Variants in CDYL observed in about 807,000 individuals in gnomAD.
CDYL encodes chromodomain Y like, also known as chromodomain Y-like protein.
CDYL carries 8 observed loss-of-function variants against 47.3 expected under a neutral mutation model. The ratio of observed to expected loss-of-function variants is 0.17; its 90% CI spans 0.10 to 0.31. The LOEUF is 0.31. Among genes scored for constraint, CDYL ranks in the 10% least tolerant of loss-of-function variants. CDYL has a pLI of 1.00. For missense variants in CDYL, 471 were observed against 701.4 expected (o/e 0.67, Z 3.71); for synonymous variants, 266 against 265.0 (o/e 1.00, Z -0.04).
intron 2 of CDYL, among the ~76,000 whole-genome samples, chr6:4,928,288 C>A (rs1757938307): frequency 1.3e-5 from 2 of 151,918 alleles, no homozygotes; most frequent in Admixed American, 6.6e-5. Context: ...GGGGGGCTGT[C>A]TTTTTATGTT....
chr6:4,811,975 C>T lies in CDYL; in HGVS notation c.24+35168C>T, dbSNP rs142483635. On this transcript the variant is annotated intron_variant, in intron 1 of 6. Coordinates refer to ENST00000397588, the MANE Select transcript of CDYL (RefSeq NM_004824.4). ...TCATCTCCTGTGCCTTTGCTGTCTG[C>T]AGGGTGGTCCATGGACTGGCAGCAG... Among the ~76,000 whole-genome samples, 1,401 of 152,224 alleles carry T rather than the reference C, an allele frequency of 9.2e-3. 19 individuals carry two copies. The highest frequency in any genetic ancestry group is 0.032 in the African/African-American group (1,333 of 41,516).
At chr6:4,758,880 C>T (rs946444776) in intron 3 of CDYL, among the ~76,000 whole-genome samples, 9 of 151,042 alleles carry the variant, frequency 6.0e-5, no homozygotes, top group Admixed American at 1.3e-4. Flanking sequence ...AATATATTTA[C>T]ATATTTTAAA....
chr6:4,781,358 A>G (rs762733907), intron 1 of CDYL, among the ~76,000 whole-genome samples: 9 of 152,202 alleles, frequency 5.9e-5, no homozygotes, highest in Non-Finnish European at 1.3e-4. Context: ...GACACCTTTC[A>G]TGGATGTTGG....
At chr6:4,947,133 C>T (rs758157994) in intron 5 of CDYL, among the ~76,000 whole-genome samples, 14 of 152,178 alleles carry the variant, frequency 9.2e-5, no homozygotes, top group Non-Finnish European at 1.8e-4. Flanking sequence ...TCGTGCAGCC[C>T]GTTTCAGGGA....
intron 2 of CDYL, among the ~76,000 whole-genome samples, chr6:4,731,538 T>C (rs924345472): frequency 2.0e-5 from 3 of 152,212 alleles, no homozygotes; most frequent in Non-Finnish European, 4.4e-5. Context: ...GGCTCATGCC[T>C]GTAATCCCAG....
intron 1 of CDYL, among the ~76,000 whole-genome samples, chr6:4,860,557 T>G (rs1372318936): frequency 6.8e-6 from 1 of 146,834 alleles, no homozygotes; most frequent in Admixed American, 6.8e-5. Context: ...ATATTACATA[T>G]TATTATATAT....
chr6:4,860,659 A>G (rs1415635959), intron 1 of CDYL, among the ~76,000 whole-genome samples: 2 of 148,356 alleles, frequency 1.3e-5, no homozygotes, highest in East Asian at 1.9e-4. Context: ...AATAATATAT[A>G]TAGGAGTTTA....
chr6:4,812,391 C>G (rs753315001), intron 1 of CDYL, among the ~76,000 whole-genome samples: 3 of 152,192 alleles, frequency 2.0e-5, no homozygotes, highest in Non-Finnish European at 4.4e-5. Flanking sequence ...GGTGAACTCA[C>G]TCTAGGGCAC....
chr6:4,716,006 T>C, intron 2 of CDYL: 2 of 1,409,284 alleles, frequency 1.4e-6, no homozygotes, highest in East Asian at 2.6e-5. Context: ...CCCAGCACTT[T>C]GGGAGGCCGA....
At chr6:4,853,912 T>C (rs940608531) in intron 1 of CDYL, among the ~76,000 whole-genome samples, 1 of 152,208 alleles carries the variant, frequency 6.6e-6, no homozygotes, top group Admixed American at 6.5e-5. Flanking sequence ...GTTTCTTGCT[T>C]CTTGGGATCC....
intron 2 of CDYL, among the ~76,000 whole-genome samples, chr6:4,732,670 AAAAG>A (rs1361036650): frequency 6.6e-6 from 1 of 151,136 alleles, no homozygotes; most frequent in Non-Finnish European, 1.5e-5. Context: ...TTTTTAAAAA[AAAAG>A]AGGGGGGGAT....
At chr6:4,933,789 A>C (rs1758101753) in intron 2 of CDYL, among the ~76,000 whole-genome samples, 2 of 152,194 alleles carry the variant, frequency 1.3e-5, no homozygotes, top group South Asian at 4.1e-4. Flanking sequence ...AAGCTTGTAG[A>C]GATTTGACAG....
chr6:4,906,788 G>C (rs1757250426), intron 2 of CDYL, among the ~76,000 whole-genome samples: 1 of 151,996 alleles, frequency 6.6e-6, no homozygotes. Context: ...TTTTGGTTTG[G>C]TTTCGTTTTA....
intron 3 of CDYL, among the ~76,000 whole-genome samples, chr6:4,763,878 G>A (rs1163471050): frequency 6.6e-6 from 1 of 152,140 alleles, no homozygotes; most frequent in East Asian, 1.9e-4. Flanking sequence ...GGGAGGCAGA[G>A]GTTGCAGTGA....
At position 4,776,698 on chromosome 6, in the gene CDYL, G is replaced by C; in HGVS notation, c.-86G>C. The C allele has an allele frequency of 8.2e-7, 1 of 1,226,762 alleles. No homozygotes were observed. The highest frequency in any genetic ancestry group is 1.1e-6 in the Non-Finnish European group (1 of 946,708). 76.0% of individuals were successfully genotyped at this position (1,226,762 alleles called of 1,614,324 possible). A position where few individuals can be genotyped will look rare whatever the true frequency, so the allele number is the denominator to read the frequency against. On this transcript the variant is annotated 5_prime_UTR_variant, in exon 1 of 7. Coordinates refer to ENST00000397588, the MANE Select transcript of CDYL (RefSeq NM_004824.4). ...GGGAGCAGGAAGCGCAGGCCACGCA[G>C]GACCCAACTGAAACAAAGTGTCGGC...
chr6:4,953,141 T>G (rs1040330419), intron 6 of CDYL, among the ~76,000 whole-genome samples: 286 of 150,758 alleles, frequency 1.9e-3, no homozygotes, highest in African/African-American at 6.7e-3. Context: ...CCCAGCACTT[T>G]GGGAGGCCGA....
intron 1 of CDYL, among the ~76,000 whole-genome samples, chr6:4,883,395 T>C (rs1221597025): frequency 2.0e-5 from 3 of 152,160 alleles, no homozygotes; most frequent in Non-Finnish European, 4.4e-5. Flanking sequence ...CAGACCACTC[T>C]GGTGACGATT....
At chr6:4,727,426 A>G (rs1757533980) in intron 2 of CDYL, among the ~76,000 whole-genome samples, 1 of 152,172 alleles carries the variant, frequency 6.6e-6, no homozygotes, top group African/African-American at 2.4e-5. Flanking sequence ...AGCCTTCCAC[A>G]GGCTCAAGCC....
intron 1 of CDYL, among the ~76,000 whole-genome samples, chr6:4,838,259 G>A (rs1354150342): frequency 6.6e-6 from 1 of 152,002 alleles, no homozygotes; most frequent in African/African-American, 2.4e-5. Context: ...CCCATCACCC[G>A]AGCAGTGTAC....
Sources: allele counts gnomAD v4.1 joint callset (sites outside exome capture counted in the v4.1 genomes callset), GRCh38; gene constraint gnomAD v4.1.1; transcripts MANE v1.5; gene names NCBI Gene and HGNC (gene_info 2026-07-23, HGNC 2026-07-21).